XKR4: variants seen among roughly 807,000 people sequenced by gnomAD.
The protein encoded by XKR4 is XK-related protein 4.
In XKR4, 12 loss-of-function variants were observed where a neutral mutation model predicts 53.9. The observed-to-expected ratio is 0.22, with a 90% confidence interval of 0.14 to 0.36. The LOEUF is 0.36. Among genes scored for constraint, XKR4 ranks in the 10% least tolerant of loss-of-function variants. The probability of loss-of-function intolerance (pLI) is 1.00; values close to 1 mark genes in which losing one functional copy is unlikely to be tolerated. For synonymous variants in XKR4, 354 were observed against 362.4 expected (o/e 0.98, Z 0.26); for missense variants, 799 against 859.5 (o/e 0.93, Z 0.88).
At position 55,274,011 on chromosome 8, in the gene XKR4, T is replaced by A. The variant is rs149272782; in HGVS notation, c.807-83667T>A. On this transcript the variant is annotated intron_variant, in intron 1 of 2. Transcript: ENST00000327381. ...GCTTTTAAATGGAAGAATACAGGAA[T>A]GAGGCTTATTTGTCCAGAGTCATTT... is the stretch of plus-strand genomic sequence containing the variant. 5.0e-3 allele frequency among the ~76,000 whole-genome samples: 765 copies of A among 152,324 alleles called. 2 individuals carry two copies. Among genetic ancestry groups the A allele is most frequent in the African/African-American group, 0.018 (728 of 41,580 alleles).
At chr8:55,276,825 T>G (rs556068110) in intron 1 of XKR4, among the ~76,000 whole-genome samples, 2 of 152,346 alleles carry the variant, frequency 1.3e-5, no homozygotes, top group South Asian at 4.1e-4. Context: ...TTCATTTTTT[T>G]TGCAAATTCC....
chr8:55,342,274 T>C (rs1278615568), intron 1 of XKR4, among the ~76,000 whole-genome samples: 2 of 151,950 alleles, frequency 1.3e-5, no homozygotes, highest in African/African-American at 4.8e-5. Flanking sequence ...AACTTCAAAA[T>C]AAATACCCAG....
intron 2 of XKR4, among the ~76,000 whole-genome samples, chr8:55,376,577 GT>G (rs750228896): frequency 4.0e-5 from 6 of 151,874 alleles, no homozygotes; most frequent in East Asian, 3.9e-4. Flanking sequence ...GGGGTTGTTT[GT>G]TTTTTTCTTG....
At chr8:55,492,817 G>T (rs1806290580) in intron 2 of XKR4, among the ~76,000 whole-genome samples, 1 of 152,162 alleles carries the variant, frequency 6.6e-6, no homozygotes, top group Non-Finnish European at 1.5e-5. Flanking sequence ...ATTTACAGAT[G>T]ATGTATTGCT....
chr8:55,350,112 A>T lies in XKR4; in HGVS notation c.807-7566A>T, dbSNP rs536003931. Among the ~76,000 whole-genome samples, 5 of 152,340 alleles carry T rather than the reference A, an allele frequency of 3.3e-5. No individual in the cohort carries two copies. In the South Asian group the frequency reaches 8.3e-4, roughly 25 times the overall value. Reference sequence around the variant, plus strand: ...TGCCTTAACAATATACAATGAATGGATGTGTTATAATTTGTTTAATACCTT... The same window carrying T: ...TGCCTTAACAATATACAATGAATGGTTGTGTTATAATTTGTTTAATACCTT... On this transcript the variant is annotated intron_variant, in intron 1 of 2. Coordinates refer to ENST00000327381, the MANE Select transcript of XKR4 (RefSeq NM_052898.2).
chr8:55,243,898 A>G (rs1388252407), intron 1 of XKR4, among the ~76,000 whole-genome samples: 1 of 152,248 alleles, frequency 6.6e-6, no homozygotes, highest in Non-Finnish European at 1.5e-5. Context: ...GTGCAAGTGC[A>G]TTCACAGCAC....
At chr8:55,195,636 C>T (rs1817495801) in intron 1 of XKR4, among the ~76,000 whole-genome samples, 1 of 151,942 alleles carries the variant, frequency 6.6e-6, no homozygotes, top group African/African-American at 2.4e-5. Context: ...ATTTGGAAAC[C>T]ATTGCAAAAT....
chr8:55,342,216 T>G (rs1236319284), intron 1 of XKR4, among the ~76,000 whole-genome samples: 1 of 152,068 alleles, frequency 6.6e-6, no homozygotes, highest in Admixed American at 6.5e-5. Context: ...ATGTCTTCCA[T>G]GAGTATTACA....
chr8:55,455,554 A>C (rs1475085798), intron 2 of XKR4, among the ~76,000 whole-genome samples: 1 of 152,234 alleles, frequency 6.6e-6, no homozygotes, highest in Non-Finnish European at 1.5e-5. Flanking sequence ...ACTCAGTAGG[A>C]AACAAAAAAA....
chr8:55,482,796 A>T (rs1218146812), intron 2 of XKR4, among the ~76,000 whole-genome samples: 3 of 152,146 alleles, frequency 2.0e-5, no homozygotes, highest in Admixed American at 1.3e-4. Flanking sequence ...TGTATTTTGG[A>T]TTTCCAAAAC....
At chr8:55,304,877 A>T (rs1001074767) in intron 1 of XKR4, among the ~76,000 whole-genome samples, 13 of 151,974 alleles carry the variant, frequency 8.6e-5, no homozygotes, top group African/African-American at 3.1e-4. Context: ...CTTTATTTTG[A>T]GCCTATGTGC....
chr8:55,213,647 T>C (rs936018941), intron 1 of XKR4, among the ~76,000 whole-genome samples: 2 of 152,134 alleles, frequency 1.3e-5, no homozygotes, highest in Non-Finnish European at 2.9e-5. Flanking sequence ...GCTGTCATCT[T>C]TGTTTCAAAA....
In XKR4 at chr8:55,103,102, G is replaced by A; in HGVS notation, c.614G>A (p.Gly205Asp). 1 of 1,613,282 alleles carries A rather than the reference G, an allele frequency of 6.2e-7. No homozygotes were observed. The highest frequency in any genetic ancestry group is 8.5e-7 in the Non-Finnish European group (1 of 1,179,926). ...VVGGGSAAGEGEARPSTPQRQ... is the reference protein window; with the variant it reads ...VVGGGSAAGEDEARPSTPQRQ... The stretch of plus-strand genomic sequence containing the variant: ...GGCGGTGGGTCTGCAGCCGGGGAAG[G>A]CGAGGCTCGTCCTTCCACGCCGCAA... The change falls in exon 1 of 3, where the codon GGC becomes GAC. Residue 205 changes from glycine (G) to aspartate (D), a missense_variant. Gly to Asp is a moderately conservative substitution (Grantham distance 94). This residue lies in a region of XKR4 where 476 missense variants were observed against 505.4 expected (regional missense o/e 0.94). Transcript: ENST00000327381.
At position 55,269,136 on chromosome 8, in the gene XKR4, G is replaced by A. The variant is rs1255351121; in HGVS notation, c.807-88542G>A. ...AGTTAGAATTTTATGTAAAATAAGAGTAAATTATCTCTAAATAAAGCCCAG... is the reference window on the plus strand; with the variant it reads ...AGTTAGAATTTTATGTAAAATAAGAATAAATTATCTCTAAATAAAGCCCAG... On this transcript the variant is annotated intron_variant, in intron 1 of 2. Coordinates refer to ENST00000327381, the MANE Select transcript of XKR4 (RefSeq NM_052898.2). Among the ~76,000 whole-genome samples, 10 of 152,248 alleles carry A rather than the reference G, an allele frequency of 6.6e-5. No homozygotes were observed. The East Asian group carries it at 1.5e-3, about 23-fold the overall frequency.
At position 55,379,836 on chromosome 8, in the gene XKR4, G is replaced by A. The variant is rs373156660; in HGVS notation, c.1006+21959G>A. On this transcript the variant is annotated intron_variant, in intron 2 of 2. Coordinates refer to ENST00000327381, the MANE Select transcript of XKR4 (RefSeq NM_052898.2). ...CCCCTCCAGAGGCTGTGGGAGAACC[G>A]ACCATCCAGGCTGGTGCACCAAGCT... is the stretch of plus-strand genomic sequence containing the variant. Among the ~76,000 whole-genome samples the A allele has an allele frequency of 1.2e-4, 19 of 152,320 alleles. No homozygotes were observed. The East Asian group carries it at 1.5e-3, about 12-fold the overall frequency.
chr8:55,342,667 C>T (rs1803572033), intron 1 of XKR4, among the ~76,000 whole-genome samples: 1 of 152,118 alleles, frequency 6.6e-6, no homozygotes, highest in African/African-American at 2.4e-5. Flanking sequence ...AATGTTCTTC[C>T]AGATTTTAAA....
At chr8:55,299,272 C>A (rs1819145293) in intron 1 of XKR4, among the ~76,000 whole-genome samples, 1 of 152,154 alleles carries the variant, frequency 6.6e-6, no homozygotes, top group Non-Finnish European at 1.5e-5. Flanking sequence ...GGAGATATTT[C>A]TGGCAGCCTG....
chr8:55,451,579 C>T (rs1805446745), intron 2 of XKR4: 4 of 1,242,594 alleles, frequency 3.2e-6, no homozygotes, highest in East Asian at 2.5e-5. Context: ...TGCCTTGGAC[C>T]GCCGGATGCG....
chr8:55,474,545 G>A (rs2929029), intron 2 of XKR4, among the ~76,000 whole-genome samples: 18,155 of 152,098 alleles, frequency 0.12, 1,728 homozygotes, highest in East Asian at 0.41. Flanking sequence ...TCAGTGAAAT[G>A]TCATCTAGTA....
Sources: gnomAD v4.1 joint callset for allele counts (sites outside exome capture counted in the v4.1 genomes callset) on GRCh38, gnomAD v4.1.1 for gene constraint, gnomAD v4.1.1 regional missense constraint, MANE v1.5 for transcripts, NCBI Gene and HGNC (gene_info 2026-07-23, HGNC 2026-07-21) for gene names.